Variants in SEMA6D observed in about 807,000 individuals in gnomAD.
The protein encoded by SEMA6D is semaphorin 6D.
A neutral mutation model predicts 106.6 loss-of-function variants in SEMA6D; 35 were observed. The ratio of observed to expected loss-of-function variants is 0.33; its 90% CI spans 0.25 to 0.44. The LOEUF (loss-of-function observed/expected upper bound fraction) is 0.44. Ranked by LOEUF, SEMA6D falls within the 20% of genes least tolerant of loss-of-function variation. The pLI, the probability that SEMA6D is intolerant of heterozygous loss-of-function variation, is 1.00. For synonymous variants in SEMA6D, 499 were observed against 487.7 expected (o/e 1.02, Z -0.31); for missense variants, 1,185 against 1,345.9 (o/e 0.88, Z 1.87).
chr15:47,552,907 A>AAT (rs2045799300), intron 3 of SEMA6D, among the ~76,000 whole-genome samples: 1 of 22,830 alleles, frequency 4.4e-5, no homozygotes, highest in Non-Finnish European at 1.2e-4. Flanking sequence ...TATATATATA[A>AAT]ATATATATAT....
At chr15:47,204,593 A>G (rs1894933028) in intron 1 of SEMA6D, among the ~76,000 whole-genome samples, 1 of 152,118 alleles carries the variant, frequency 6.6e-6, no homozygotes, top group African/African-American at 2.4e-5. Flanking sequence ...GGACACTAGG[A>G]TAATGCAATA....
chr15:47,635,056 A>G (rs2144599578), intron 4 of SEMA6D, among the ~76,000 whole-genome samples: 1 of 152,284 alleles, frequency 6.6e-6, no homozygotes, highest in South Asian at 2.1e-4. Flanking sequence ...CTCCCTGTGA[A>G]GAATATGCAG....
At chr15:47,322,091 CG>C (rs906417469) in intron 1 of SEMA6D, among the ~76,000 whole-genome samples, 3 of 151,982 alleles carry the variant, frequency 2.0e-5, no homozygotes, top group Non-Finnish European at 4.4e-5. Flanking sequence ...AGAAGGCAGG[CG>C]GATGGCAATT....
At chr15:47,768,240 A>G (rs1255845782) in intron 17 of SEMA6D, among the ~76,000 whole-genome samples, 2 of 152,180 alleles carry the variant, frequency 1.3e-5, no homozygotes, top group Non-Finnish European at 2.9e-5. Flanking sequence ...AAGAAATGAA[A>G]TGATGTCTCA....
At chr15:47,544,443 G>C (rs1243110627) in intron 3 of SEMA6D, among the ~76,000 whole-genome samples, 1 of 152,112 alleles carries the variant, frequency 6.6e-6, no homozygotes, top group Non-Finnish European at 1.5e-5. Flanking sequence ...CAAGCACTGT[G>C]CTGGAAATTT....
chr15:47,278,781 G>A lies in SEMA6D; in HGVS notation c.-239+94363G>A, dbSNP rs1445429357. On this transcript the variant is annotated intron_variant, in intron 1 of 19. Transcript: ENST00000558014. ...TTAAGTCTTTAATCCATCTTGAATT[G>A]ATTTTTGTATAAGGTGTAAGGAAGG... is the stretch of plus-strand genomic sequence containing the variant. Among the ~76,000 whole-genome samples the A allele has an allele frequency of 1.5e-3, 230 of 148,524 alleles. 2 individuals carry two copies. Among genetic ancestry groups the A allele is most frequent in the Non-Finnish European group, 2.4e-3 (162 of 66,984 alleles).
intron 1 of SEMA6D, among the ~76,000 whole-genome samples, chr15:47,248,437 C>T (rs1015533333): frequency 2.0e-5 from 3 of 152,098 alleles, no homozygotes; most frequent in Non-Finnish European, 2.9e-5. Context: ...CTACAGAAAG[C>T]CCAATTTACC....
chr15:47,494,816 C>T (rs1457379409), intron 3 of SEMA6D, among the ~76,000 whole-genome samples: 3 of 140,990 alleles, frequency 2.1e-5, no homozygotes, highest in African/African-American at 7.7e-5. Flanking sequence ...CACACACACA[C>T]ACACACACAC....
chr15:47,387,487 T>C (rs954017824), intron 1 of SEMA6D, among the ~76,000 whole-genome samples: 1 of 152,160 alleles, frequency 6.6e-6, no homozygotes, highest in African/African-American at 2.4e-5. Flanking sequence ...ATATGAACAA[T>C]AATACCAACT....
chr15:47,643,930 C>T (rs2077534859), intron 4 of SEMA6D, among the ~76,000 whole-genome samples: 1 of 151,128 alleles, frequency 6.6e-6, no homozygotes, highest in African/African-American at 2.5e-5. Flanking sequence ...CTTCTCAGGT[C>T]CTAGCAACCA....
At chr15:47,207,516 A>G (rs1031074760) in intron 1 of SEMA6D, among the ~76,000 whole-genome samples, 4 of 152,194 alleles carry the variant, frequency 2.6e-5, no homozygotes, top group East Asian at 3.9e-4. Context: ...CTGAGAACCT[A>G]TTTATGAATC....
intron 4 of SEMA6D, among the ~76,000 whole-genome samples, chr15:47,642,032 C>T (rs73392827): frequency 0.023 from 3,457 of 152,278 alleles, 136 homozygotes; most frequent in African/African-American, 0.08. Context: ...ACAAGGTAGC[C>T]ACTCGGTAAA....
intron 4 of SEMA6D, among the ~76,000 whole-genome samples, chr15:47,653,429 A>C: frequency 6.6e-6 from 1 of 152,320 alleles, no homozygotes; most frequent in East Asian, 1.9e-4. Context: ...TTCTTCTCAA[A>C]CCCAGAGAAA....
chr15:47,508,841 T>C (rs948949094), intron 3 of SEMA6D, among the ~76,000 whole-genome samples: 12 of 152,238 alleles, frequency 7.9e-5, no homozygotes, highest in Non-Finnish European at 1.0e-4. Flanking sequence ...ATCTATGTCT[T>C]GGATTTCTCA....
intron 2 of SEMA6D, among the ~76,000 whole-genome samples, chr15:47,463,244 T>C (rs2042564876): frequency 6.6e-6 from 1 of 152,076 alleles, no homozygotes; most frequent in Admixed American, 6.6e-5. Flanking sequence ...CCTAGAAATA[T>C]TTTTCAAGCC....
intron 2 of SEMA6D, among the ~76,000 whole-genome samples, chr15:47,458,765 G>A (rs1714435275): frequency 6.6e-6 from 1 of 151,850 alleles, no homozygotes; most frequent in African/African-American, 2.4e-5. Context: ...AAAGAAGAAT[G>A]GTCTCAAATC....
At chr15:47,211,885 T>G (rs568490011) in intron 1 of SEMA6D, among the ~76,000 whole-genome samples, 1 of 152,118 alleles carries the variant, frequency 6.6e-6, no homozygotes, top group Non-Finnish European at 1.5e-5. Context: ...TAATTAGCTC[T>G]CCTGAAGTTA....
intron 1 of SEMA6D, among the ~76,000 whole-genome samples, chr15:47,405,853 A>G (rs575750491): frequency 6.6e-6 from 1 of 152,244 alleles, no homozygotes; most frequent in East Asian, 1.9e-4. Flanking sequence ...CGTAATTTCA[A>G]GTGGGTTACC....
At chr15:47,416,258 C>T (rs1211142762) in intron 2 of SEMA6D, among the ~76,000 whole-genome samples, 1 of 152,050 alleles carries the variant, frequency 6.6e-6, no homozygotes. Flanking sequence ...AAAATCCACC[C>T]TCATTTCTAC....
Sources: allele counts gnomAD v4.1 joint callset (sites outside exome capture counted in the v4.1 genomes callset), GRCh38; gene constraint gnomAD v4.1.1; transcripts MANE v1.5; gene names NCBI Gene and HGNC (gene_info 2026-07-23, HGNC 2026-07-21).